LRCH1: variants seen among roughly 807,000 people sequenced by gnomAD.
The protein encoded by LRCH1 is leucine-rich repeat and calponin homology domain-containing protein 1.
A neutral mutation model predicts 94.9 loss-of-function variants in LRCH1; 23 were observed. That is an observed-to-expected ratio of 0.24 (90% CI 0.17 to 0.34). The LOEUF is 0.34. Ranked by LOEUF, LRCH1 falls within the 10% of genes least tolerant of loss-of-function variation. The pLI is 1.00. For missense variants in LRCH1, 790 were observed against 945.9 expected, an observed-to-expected ratio of 0.84 and a Z score of 2.16; for synonymous variants, 364 against 354.9, an observed-to-expected ratio of 1.03 and a Z score of -0.29.
intron 18 of LRCH1, among the ~76,000 whole-genome samples, chr13:46,729,932 C>G (rs1342819215): frequency 6.6e-6 from 1 of 152,134 alleles, no homozygotes; most frequent in Non-Finnish European, 1.5e-5. Flanking sequence ...TTAATGCGCC[C>G]CCAGATCCTC....
intron 1 of LRCH1, among the ~76,000 whole-genome samples, chr13:46,608,298 T>C (rs920815214): frequency 6.6e-6 from 1 of 152,166 alleles, no homozygotes; most frequent in Admixed American, 6.5e-5. Flanking sequence ...CTCTCATCAT[T>C]AGAGCTGATT....
At chr13:46,724,753 A>G (rs1024465617) in intron 17 of LRCH1, among the ~76,000 whole-genome samples, 14 of 152,256 alleles carry the variant, frequency 9.2e-5, no homozygotes, top group Admixed American at 2.6e-4. Context: ...ATGAGTTTTT[A>G]ATGTTCAGAA....
At chr13:46,570,373 G>C (rs574222702) in intron 1 of LRCH1, among the ~76,000 whole-genome samples, 80 of 152,146 alleles carry the variant, frequency 5.3e-4, no homozygotes, top group Admixed American at 9.2e-4. Context: ...TATCTCACAG[G>C]GTCCTTATCC....
At chr13:46,651,703 CTTTTT>C (rs58584317) in intron 2 of LRCH1, among the ~76,000 whole-genome samples, 1 of 127,194 alleles carries the variant, frequency 7.9e-6, no homozygotes, top group Non-Finnish European at 1.6e-5. Context: ...TGTAGAAGTG[CTTTTT>C]TTTTTTTTTT....
intron 19 of LRCH1, among the ~76,000 whole-genome samples, chr13:46,735,782 CTTTTTCTTTTCTTTT>C (rs1312654192): frequency 9.8e-6 from 1 of 102,200 alleles, no homozygotes; most frequent in African/African-American, 3.3e-5. Flanking sequence ...TCCTTTTTTT[CTTTTTCTTTTCTTTT>C]TTTTTTTTTT....
chr13:46,696,195 T>TACACACACACAC (rs10553999), intron 9 of LRCH1, among the ~76,000 whole-genome samples: 1 of 147,094 alleles, frequency 6.8e-6, no homozygotes, highest in Admixed American at 6.8e-5. Context: ...TGCATGTGTG[T>TACACACACACAC]ACACACACAC....
intron 2 of LRCH1, among the ~76,000 whole-genome samples, chr13:46,668,508 G>A (rs1345104697): frequency 6.6e-6 from 1 of 152,204 alleles, no homozygotes; most frequent in East Asian, 1.9e-4. Context: ...AAATGAGCCC[G>A]GTGGTTTTGT....
intron 1 of LRCH1, among the ~76,000 whole-genome samples, chr13:46,589,433 G>A (rs949213186): frequency 6.6e-6 from 1 of 151,754 alleles, no homozygotes; most frequent in Non-Finnish European, 1.5e-5. Context: ...CATTATATCT[G>A]GTATCCAGTC....
intron 1 of LRCH1, among the ~76,000 whole-genome samples, chr13:46,596,562 C>T (rs755980464): frequency 1.9e-4 from 29 of 152,174 alleles, no homozygotes; most frequent in Non-Finnish European, 3.4e-4. Flanking sequence ...AATGAAATAG[C>T]GATCTTGGAA....
chr13:46,573,855 TA>T (rs2050268596), intron 1 of LRCH1, among the ~76,000 whole-genome samples: 2 of 75,184 alleles, frequency 2.7e-5, no homozygotes, highest in Non-Finnish European at 4.6e-5. Context: ...AATATATATA[TA>T]TATATATATA....
chr13:46,612,336 T>C (rs542959156), intron 1 of LRCH1, among the ~76,000 whole-genome samples: 1 of 152,366 alleles, frequency 6.6e-6, no homozygotes, highest in East Asian at 1.9e-4. Context: ...ATATATTTTG[T>C]ATACACGGTT....
intron 1 of LRCH1, among the ~76,000 whole-genome samples, chr13:46,622,328 C>A (rs2050890267): frequency 2.0e-5 from 3 of 152,058 alleles, no homozygotes; most frequent in African/African-American, 7.2e-5. Context: ...AAATAAGACA[C>A]AATCTATCGT....
chr13:46,727,697 A>G (rs1338743649), intron 17 of LRCH1, among the ~76,000 whole-genome samples: 2 of 152,172 alleles, frequency 1.3e-5, no homozygotes, highest in African/African-American at 4.8e-5. Context: ...AATGTTGTGC[A>G]TCTTGACTTT....
At chr13:46,568,085 T>C (rs1396269523) in intron 1 of LRCH1, among the ~76,000 whole-genome samples, 3 of 152,222 alleles carry the variant, frequency 2.0e-5, no homozygotes, top group Non-Finnish European at 2.9e-5. Context: ...GTAGATTGGA[T>C]TGGATGAGCC....
At chr13:46,575,317 G>A (rs186343008) in intron 1 of LRCH1, among the ~76,000 whole-genome samples, 24 of 152,156 alleles carry the variant, frequency 1.6e-4, no homozygotes, top group Admixed American at 1.2e-3. Context: ...ATAGTCTATC[G>A]TATGACTTAG....
intron 1 of LRCH1, among the ~76,000 whole-genome samples, chr13:46,604,766 A>G (rs2050669515): frequency 6.6e-6 from 1 of 152,240 alleles, no homozygotes; most frequent in Non-Finnish European, 1.5e-5. Context: ...ATTTTAGGTC[A>G]TTTATCTCAT....
At chr13:46,719,061 A>G (rs923743631) in intron 16 of LRCH1, among the ~76,000 whole-genome samples, 39 of 152,290 alleles carry the variant, frequency 2.6e-4, no homozygotes, top group African/African-American at 7.5e-4. Context: ...CTGAGTGCCT[A>G]TTATGTGCTA....
chr13:46,602,224 A>T, intron 1 of LRCH1, among the ~76,000 whole-genome samples: 1 of 152,210 alleles, frequency 6.6e-6, no homozygotes, highest in East Asian at 1.9e-4. Context: ...GCTAGAATAA[A>T]GCTTGAATTT....
At chr13:46,745,873 C>T (rs952312393), downstream of LRCH1, among the ~76,000 whole-genome samples, 6 of 152,120 alleles carry the variant, frequency 3.9e-5, no homozygotes, top group East Asian at 1.9e-4. Context: ...CAGGCAGTGA[C>T]GGCTCATCCT....
Sources: allele counts gnomAD v4.1 joint callset (sites outside exome capture counted in the v4.1 genomes callset), GRCh38; gene constraint gnomAD v4.1.1; transcripts MANE v1.5; gene names NCBI Gene and HGNC (gene_info 2026-07-23, HGNC 2026-07-21).